The following DNM1L variants were observed in gnomAD, a reference collection of about 807,000 sequenced individuals.
DNM1L encodes the protein dynamin 1L.
In DNM1L, 33 loss-of-function variants were observed where a neutral mutation model predicts 92.8. The observed-to-expected ratio is 0.36, with a 90% CI of 0.27 to 0.48. DNM1L has a LOEUF of 0.48. Ranked by LOEUF, DNM1L falls within the 20% of genes least tolerant of loss-of-function variation. The pLI, the probability that DNM1L is intolerant of heterozygous loss-of-function variation, is 0.99. For missense variants in DNM1L, 485 were observed against 888.8 expected, an observed-to-expected ratio of 0.55 and a Z score of 5.78; for synonymous variants, 284 against 305.0, an observed-to-expected ratio of 0.93 and a Z score of 0.72.
chr12:32,698,272 T>A (rs1952553635), intron 1 of DNM1L, among the ~76,000 whole-genome samples: 1 of 152,174 alleles, frequency 6.6e-6, no homozygotes, highest in Non-Finnish European at 1.5e-5. Flanking sequence ...GTCTTCTGAT[T>A]TGGATGTGGA....
chr12:32,707,230 A>G, intron 2 of DNM1L, 137 bp from the exon 3 acceptor site: 1 of 629,350 alleles, frequency 1.6e-6, no homozygotes, highest in Non-Finnish European at 2.8e-6. Context: ...AGCAGACCTT[A>G]AAATACTTGT....
chr12:32,717,920 AG>A (rs1953580744), intron 6 of DNM1L, among the ~76,000 whole-genome samples: 4 of 82,050 alleles, frequency 4.9e-5, no homozygotes, highest in Non-Finnish European at 8.9e-5. Flanking sequence ...TATAAAATAT[AG>A]TATATATTTT....
chr12:32,740,169 G>GA lies in DNM1L; in HGVS notation c.1818dup (p.Ser607IlefsTer39). On this transcript the variant is annotated frameshift_variant, in exon 17 of 20. Coordinates refer to ENST00000549701, the MANE Select transcript of DNM1L (RefSeq NM_012062.5). LOFTEE classifies it high-confidence loss of function. The stretch of plus-strand genomic sequence containing the variant: ...AAAAGCTGAAGAGTTATTAGCAGAA[G>GA]AAAAATCAAAACCCATTCCAATTAT... 1 of 1,614,098 alleles carries GA rather than the reference G, an allele frequency of 6.2e-7. No individual in the cohort carries two copies. Among genetic ancestry groups the GA allele is most frequent in the Non-Finnish European group, 8.5e-7 (1 of 1,180,018 alleles).
At chr12:32,717,288 T>G (rs1383819440) in intron 6 of DNM1L, among the ~76,000 whole-genome samples, 1 of 95,426 alleles carries the variant, frequency 1.0e-5, no homozygotes, top group Non-Finnish European at 1.9e-5. Context: ...ATATATACAC[T>G]ATATATTTTA....
intron 6 of DNM1L, among the ~76,000 whole-genome samples, chr12:32,718,041 A>G (rs1172614795): frequency 7.7e-6 from 1 of 129,248 alleles, no homozygotes; most frequent in Non-Finnish European, 1.6e-5. Flanking sequence ...TATACTATAC[A>G]TACTATATAT....
At position 32,700,367 on chromosome 12, in the gene DNM1L, G is replaced by A. The variant is rs187302978; in HGVS notation, c.103-1048G>A. Among the ~76,000 whole-genome samples, 347 of 152,202 alleles carry A rather than the reference G, an allele frequency of 2.3e-3. 3 individuals carry two copies. The highest frequency in any genetic ancestry group is 7.9e-3 in the African/African-American group (327 of 41,558). On this transcript the variant is annotated intron_variant, in intron 1 of 19. Coordinates refer to ENST00000549701, the MANE Select transcript of DNM1L (RefSeq NM_012062.5). Reference sequence around the variant, plus strand: ...ACTCCTGACCTCAGATGATCTGCCCGCCTCAGCCTCCCAAAGTGCTGGGAT... The same window carrying A: ...ACTCCTGACCTCAGATGATCTGCCCACCTCAGCCTCCCAAAGTGCTGGGAT...
intron 1 of DNM1L, among the ~76,000 whole-genome samples, chr12:32,681,569 C>T (rs1224173429): frequency 7.0e-6 from 1 of 143,584 alleles, no homozygotes; most frequent in Non-Finnish European, 1.5e-5. Context: ...CACACCGCCC[C>T]CCCCGCCCCT....
chr12:32,685,663 G>A (rs1404682534), intron 1 of DNM1L, among the ~76,000 whole-genome samples: 3 of 151,840 alleles, frequency 2.0e-5, no homozygotes, highest in Admixed American at 6.6e-5. Flanking sequence ...GCGCCCAGCC[G>A]TGGCTGCACC....
intron 4 of DNM1L, chr12:32,709,646 T>C (rs1953050299): frequency 6.6e-6 from 1 of 152,222 alleles, no homozygotes; most frequent in Non-Finnish European, 1.5e-5. Context: ...TCTTATATAA[T>C]TTTTATGTCA....
intron 1 of DNM1L, among the ~76,000 whole-genome samples, chr12:32,685,616 G>A (rs1022013683): frequency 2.0e-5 from 3 of 151,950 alleles, no homozygotes; most frequent in African/African-American, 4.8e-5. Flanking sequence ...ACCCACCTCG[G>A]CCTCCCAAAG....
chr12:32,742,107 TTTTG>T (rs1955341006), intron 18 of DNM1L, among the ~76,000 whole-genome samples: 2 of 152,166 alleles, frequency 1.3e-5, no homozygotes, highest in South Asian at 4.2e-4. Flanking sequence ...GAATTGTTGC[TTTTG>T]TTTTTTTTTT....
At chr12:32,735,431 C>T (rs1954805058) in intron 13 of DNM1L, among the ~76,000 whole-genome samples, 1 of 152,080 alleles carries the variant, frequency 6.6e-6, no homozygotes, top group Non-Finnish European at 1.5e-5. Context: ...TGCTTTGTAT[C>T]CCTGTTCAAA....
At chr12:32,735,655 C>CT (rs1429015455) in intron 13 of DNM1L, among the ~76,000 whole-genome samples, 1 of 152,004 alleles carries the variant, frequency 6.6e-6, no homozygotes, top group Non-Finnish European at 1.5e-5. Flanking sequence ...CCGAGGCAGG[C>CT]TGATCACCTG....
In DNM1L at chr12:32,731,026, T is replaced by G. The variant is rs1954521017; in HGVS notation, c.1092T>G (p.Ala364=). Residue 364 remains alanine, a synonymous_variant, in exon 10 of 20, where the codon GCT becomes GCG. Coordinates refer to ENST00000549701, the MANE Select transcript of DNM1L (RefSeq NM_012062.5). This position sits in a 1 kb window ranked among gnomAD's most constrained non-coding sequence, Gnocchi z 5.1. ...CATTGCCTTTCAGATGCGGTGGTGCTAGAATTTGTTATATTTTCCATGAGA... is the reference window on the plus strand; with the variant it reads ...CATTGCCTTTCAGATGCGGTGGTGCGAGAATTTGTTATATTTTCCATGAGA... ...YIETSELCGG[A]RICYIFHETF... is the part of the protein sequence containing the mutation. 1.9e-6 allele frequency: 3 copies of G among 1,613,936 alleles called. No individual in the cohort carries two copies. The highest frequency in any genetic ancestry group is 1.7e-5 in the Admixed American group (1 of 60,012).
intron 5 of DNM1L, among the ~76,000 whole-genome samples, chr12:32,711,463 ACT>A (rs1953120152): frequency 6.6e-6 from 1 of 151,926 alleles, no homozygotes; most frequent in African/African-American, 2.4e-5. Flanking sequence ...GACATTTCAA[ACT>A]CTAATACCGA....
chr12:32,707,243 A>G, intron 2 of DNM1L, 124 bp from the exon 3 acceptor site: 1 of 700,018 alleles, frequency 1.4e-6, no homozygotes, highest in Non-Finnish European at 2.5e-6. Context: ...ATACTTGTTA[A>G]CTTGTACTTA....
intron 1 of DNM1L, among the ~76,000 whole-genome samples, chr12:32,698,152 C>T (rs569596454): frequency 1.3e-5 from 2 of 152,264 alleles, no homozygotes; most frequent in South Asian, 4.1e-4. Context: ...ACTGCAGTTT[C>T]GCAGACATGT....
In DNM1L at chr12:32,701,290, AAT is replaced by A; in HGVS notation, c.103-123_103-122del. ...AAACTCCGTCTCAAAAAAAAAAAAA[AAT>A]AGTCTCTGCACTAATTTTTCCTTTA... On this transcript the variant is annotated intron_variant, in intron 1 of 19. Transcript: ENST00000549701. The A allele has an allele frequency of 3.4e-5, 29 of 864,728 alleles. No homozygotes were observed. In the African/African-American group the frequency reaches 3.5e-4, roughly 10 times the overall value. The allele number at this position is 864,728 out of a possible 1,614,324, so 53.6% of individuals were successfully genotyped here.
chr12:32,692,527 G>T (rs1952274115), intron 1 of DNM1L: 1 of 153,810 alleles, frequency 6.5e-6, no homozygotes, highest in South Asian at 2.1e-4. Context: ...AACTCCACTG[G>T]AGTCAGGGAT....
Sources: gnomAD v4.1 joint callset for allele counts (sites outside exome capture counted in the v4.1 genomes callset) on GRCh38, gnomAD v4.1.1 for gene constraint, Gnocchi (gnomAD v3.1) non-coding constraint, MANE v1.5 for transcripts, NCBI Gene and HGNC (gene_info 2026-07-23, HGNC 2026-07-21) for gene names.